The following TMEM167A variants were observed in gnomAD, a reference collection of about 807,000 sequenced individuals.
TMEM167A encodes transmembrane protein 167A, also known as protein kish-A.
A neutral mutation model predicts 11.6 loss-of-function variants in TMEM167A; 8 were observed. The ratio of observed to expected loss-of-function variants is 0.69; its 90% CI spans 0.40 to 1.24. The LOEUF (loss-of-function observed/expected upper bound fraction) is 1.24. TMEM167A is among the 50% of genes most tolerant of loss of function. The probability of loss-of-function intolerance (pLI) is 0.01; values close to 1 mark genes in which losing one functional copy is unlikely to be tolerated. For missense variants in TMEM167A, 62 were observed against 87.0 expected (o/e 0.71, Z 1.14); for synonymous variants, 22 against 28.0 (o/e 0.79, Z 0.67).
rs1370809959 is a variant in TMEM167A, at chr5:83,074,071, T to C, written c.3+3250A>G. On this transcript the variant is annotated intron_variant, in intron 1 of 3. Coordinates refer to ENST00000502346, the MANE Select transcript of TMEM167A (RefSeq NM_174909.5). ...TTATTTCCCTGCTCCAAAGCCTTTATCAAGTAAGCAATTAAACATCATCAA... is the reference window on the plus strand; with the variant it reads ...TTATTTCCCTGCTCCAAAGCCTTTACCAAGTAAGCAATTAAACATCATCAA... Among the ~76,000 whole-genome samples, 3 of 152,236 alleles carry C rather than the reference T, an allele frequency of 2.0e-5. No homozygotes were observed. The East Asian group carries it at 5.8e-4, about 29-fold the overall frequency.
At chr5:83,065,851 A>G (rs1233878384) in intron 1 of TMEM167A, among the ~76,000 whole-genome samples, 1 of 152,182 alleles carries the variant, frequency 6.6e-6, no homozygotes, top group Admixed American at 6.5e-5. Flanking sequence ...CCACAGTCAA[A>G]CAAAATCATA....
At chr5:83,075,153 C>A (rs1157047410) in intron 1 of TMEM167A, among the ~76,000 whole-genome samples, 1 of 152,076 alleles carries the variant, frequency 6.6e-6, no homozygotes, top group Admixed American at 6.5e-5. Context: ...ATGCAGGCAA[C>A]ACCTTATTGC....
chr5:83,077,216 G>C, intron 1 of TMEM167A, 105 bp downstream of exon 1: 2 of 1,554,998 alleles, frequency 1.3e-6, no homozygotes, highest in South Asian at 1.1e-5. Flanking sequence ...AGGCCTCTCA[G>C]CTCCGGGCCC....
rs1326970219 is a variant in TMEM167A at position 83,055,110 on chromosome 5, A to G, written c.*1974T>C. 1 of 152,012 alleles carries G rather than the reference A, an allele frequency of 6.6e-6. No individual in the cohort carries two copies. The highest frequency in any genetic ancestry group is 1.5e-5 in the Non-Finnish European group (1 of 67,924). The allele number at this position is 152,012 out of a possible 1,614,324, so 9.4% of individuals were successfully genotyped here. A position where few individuals can be genotyped will look rare whatever the true frequency, so the allele number is the denominator to read the frequency against. On this transcript the variant is annotated 3_prime_UTR_variant, in exon 4 of 4. Transcript: ENST00000502346. ...AAAAGGTCAGAATGGTTGTTGTTAC[A>G]AATATGCTGCCTCCCACTCTGTTTA...
At chr5:83,074,492 G>A (rs1321800467) in intron 1 of TMEM167A, among the ~76,000 whole-genome samples, 2 of 152,204 alleles carry the variant, frequency 1.3e-5, no homozygotes, top group Non-Finnish European at 2.9e-5. Context: ...GTTTAATTAT[G>A]AAATGTGGGC....
At chr5:83,066,786 G>C (rs1208585098) in intron 1 of TMEM167A, among the ~76,000 whole-genome samples, 1 of 151,912 alleles carries the variant, frequency 6.6e-6, no homozygotes, top group East Asian at 1.9e-4. Context: ...GATCTCCCAT[G>C]AATGTCAGGG....
chr5:83,076,822 G>A (rs1744677792), intron 1 of TMEM167A, among the ~76,000 whole-genome samples: 1 of 152,218 alleles, frequency 6.6e-6, no homozygotes, highest in South Asian at 2.1e-4. Flanking sequence ...AGCTTGTAAA[G>A]CAGCATTTTC....
intron 1 of TMEM167A, among the ~76,000 whole-genome samples, chr5:83,068,733 T>G (rs967971327): frequency 6.6e-6 from 1 of 152,210 alleles, no homozygotes; most frequent in Non-Finnish European, 1.5e-5. Flanking sequence ...AAAAGATTCC[T>G]ACAGTAAAAT....
chr5:83,059,023 T>TCAGCAACATTTTCTAAG (rs1744370617), intron 3 of TMEM167A, among the ~76,000 whole-genome samples: 1 of 152,056 alleles, frequency 6.6e-6, no homozygotes, highest in Non-Finnish European at 1.5e-5. Context: ...AAGCAGCATA[T>TCAGCAACATTTTCTAAG]CAGCAACATT....
rs1744306802 is a variant in TMEM167A at position 83,054,876 on chromosome 5, G to T, written c.*2208C>A. 6.6e-6 allele frequency: 1 copy of T among 151,908 alleles called. No individual in the cohort carries two copies. The highest frequency in any genetic ancestry group is 2.4e-5 in the African/African-American group (1 of 41,386). The allele number at this position is 151,908 out of a possible 1,614,324, so 9.4% of individuals were successfully genotyped here. A position where few individuals can be genotyped will look rare whatever the true frequency, so the allele number is the denominator to read the frequency against. Reference sequence around the variant, plus strand: ...GGATAGTCTATCTGATGCTTAAATTGATCTTTAATAACCTTCTGCATCCCA... The same window carrying T: ...GGATAGTCTATCTGATGCTTAAATTTATCTTTAATAACCTTCTGCATCCCA... On this transcript the variant is annotated 3_prime_UTR_variant, in exon 4 of 4. Coordinates refer to ENST00000502346, the MANE Select transcript of TMEM167A (RefSeq NM_174909.5).
intron 1 of TMEM167A, among the ~76,000 whole-genome samples, chr5:83,075,989 T>G (rs1744647456): frequency 6.6e-6 from 1 of 152,228 alleles, no homozygotes; most frequent in African/African-American, 2.4e-5. Context: ...TTTCCACCTA[T>G]GTCTAATTTA....
chr5:83,064,550 G>A (rs1744453276), intron 2 of TMEM167A, among the ~76,000 whole-genome samples: 1 of 152,032 alleles, frequency 6.6e-6, no homozygotes, highest in African/African-American at 2.4e-5. Flanking sequence ...GTACAGAAGG[G>A]AAAGATACAA....
intron 3 of TMEM167A, among the ~76,000 whole-genome samples, chr5:83,061,573 T>G (rs559050959): frequency 1.3e-3 from 197 of 152,270 alleles, no homozygotes; most frequent in African/African-American, 4.6e-3. Flanking sequence ...CAGCTAACTT[T>G]TAGTAGAGAC....
intron 1 of TMEM167A, among the ~76,000 whole-genome samples, chr5:83,075,515 G>C (rs1580180078): frequency 6.6e-6 from 1 of 152,182 alleles, no homozygotes; most frequent in Admixed American, 6.5e-5. Context: ...GGGAGGCTGA[G>C]GTGGGAGGAT....
intron 1 of TMEM167A, among the ~76,000 whole-genome samples, chr5:83,066,117 AAG>A (rs1219136258): frequency 5.9e-5 from 9 of 151,380 alleles, no homozygotes; most frequent in Admixed American, 1.3e-4. Context: ...GAAGCCCAAT[AAG>A]AGAGAGTTGA....
chr5:83,068,065 A>G (rs771237411), intron 1 of TMEM167A, among the ~76,000 whole-genome samples: 1 of 152,184 alleles, frequency 6.6e-6, no homozygotes, highest in African/African-American at 2.4e-5. Flanking sequence ...CTCATGATCA[A>G]TTGTAGATAA....
chr5:83,069,211 A>G (rs991520086), intron 1 of TMEM167A, among the ~76,000 whole-genome samples: 2 of 152,156 alleles, frequency 1.3e-5, no homozygotes, highest in Admixed American at 6.5e-5. Context: ...ACTCTGGTCA[A>G]AAGTGTGTTT....
At chr5:83,059,847 A>G (rs1253211960) in intron 3 of TMEM167A, among the ~76,000 whole-genome samples, 1 of 151,710 alleles carries the variant, frequency 6.6e-6, no homozygotes, top group Non-Finnish European at 1.5e-5. Context: ...TACCCACTAC[A>G]TGTCCCTGAG....
intron 1 of TMEM167A, among the ~76,000 whole-genome samples, chr5:83,067,344 CTATA>C (rs1282101281): frequency 6.6e-6 from 1 of 152,036 alleles, no homozygotes; most frequent in Non-Finnish European, 1.5e-5. Context: ...AATTAAAAAA[CTATA>C]TACATTATTT....
Sources: allele counts gnomAD v4.1 joint callset (sites outside exome capture counted in the v4.1 genomes callset), GRCh38; gene constraint gnomAD v4.1.1; transcripts MANE v1.5; gene names NCBI Gene and HGNC (gene_info 2026-07-23, HGNC 2026-07-21).